SGCD: variants seen among roughly 807,000 people sequenced by gnomAD.
SGCD encodes the protein delta-sarcoglycan.
In SGCD, 18 loss-of-function variants were observed where a neutral mutation model predicts 36.6. That is an observed-to-expected ratio of 0.49 (90% CI 0.34 to 0.73). The LOEUF is 0.73. Among genes scored for constraint, SGCD ranks in the 30% least tolerant of loss-of-function variants. The pLI is 0.01. For missense variants in SGCD, 387 were observed against 346.7 expected, an observed-to-expected ratio of 1.12 and a Z score of -0.92; for synonymous variants, 133 against 130.6, an observed-to-expected ratio of 1.02 and a Z score of -0.12.
intron 4 of SGCD, among the ~76,000 whole-genome samples, chr5:156,536,992 G>A (rs1170406093): frequency 6.6e-6 from 1 of 152,106 alleles, no homozygotes. Context: ...GTGACTTTGT[G>A]CCGCTGGGAC....
At chr5:156,217,807 A>T (rs1237360469) in intron 3 of SGCD, among the ~76,000 whole-genome samples, 3 of 152,194 alleles carry the variant, frequency 2.0e-5, no homozygotes, top group Non-Finnish European at 2.9e-5. Flanking sequence ...GAATGTATGT[A>T]TGTATGTATA....
chr5:156,056,145 A>G (rs1489867645), intron 1 of SGCD, among the ~76,000 whole-genome samples: 1 of 146,076 alleles, frequency 6.8e-6, no homozygotes, highest in Non-Finnish European at 1.5e-5. Flanking sequence ...GAAAATTATA[A>G]CAATGACAGA....
At chr5:155,816,058 T>C in the SGCD span, among the ~76,000 whole-genome samples, 1 of 152,122 alleles carries the variant, frequency 6.6e-6, no homozygotes, top group Non-Finnish European at 1.5e-5. Flanking sequence ...CTGAAAATAG[T>C]GGTGGTGGGG....
At chr5:156,491,227 A>G (rs1331205212) in intron 3 of SGCD, among the ~76,000 whole-genome samples, 1 of 152,172 alleles carries the variant, frequency 6.6e-6, no homozygotes, top group Non-Finnish European at 1.5e-5. Context: ...TCCCCTGATC[A>G]TAGATAGGAA....
chr5:156,354,489 A>G (rs1212846384), intron 3 of SGCD, among the ~76,000 whole-genome samples: 1 of 152,188 alleles, frequency 6.6e-6, no homozygotes, highest in Non-Finnish European at 1.5e-5. Context: ...ATTATAAAGA[A>G]ATTACTGTGC....
chr5:155,985,531 AG>A (rs1259617913), intron 1 of SGCD, among the ~76,000 whole-genome samples: 5 of 152,128 alleles, frequency 3.3e-5, no homozygotes, highest in African/African-American at 1.2e-4. Context: ...GAGATGTTCT[AG>A]GGATTAGGAT....
intron 1 of SGCD, among the ~76,000 whole-genome samples, chr5:155,885,367 G>A (rs1404635538): frequency 8.6e-6 from 1 of 116,318 alleles, no homozygotes; most frequent in Non-Finnish European, 1.6e-5. Context: ...AAAGCCCAGA[G>A]CAGTAGGGAG....
intron 4 of SGCD, among the ~76,000 whole-genome samples, chr5:156,559,907 C>A (rs1008229764): frequency 2.6e-5 from 4 of 152,150 alleles, no homozygotes; most frequent in Non-Finnish European, 4.4e-5. Flanking sequence ...CAGTTTCTGT[C>A]TAATGATATT....
the SGCD span, among the ~76,000 whole-genome samples, chr5:155,852,563 C>G: frequency 6.6e-6 from 1 of 151,912 alleles, no homozygotes. Flanking sequence ...TGCTACATGT[C>G]AAAGAAGTAG....
intron 3 of SGCD, among the ~76,000 whole-genome samples, chr5:156,253,660 A>G (rs1765639987): frequency 6.6e-6 from 1 of 152,206 alleles, no homozygotes; most frequent in Admixed American, 6.5e-5. Flanking sequence ...CATCAAAAAT[A>G]TATCTGGCTT....
At chr5:156,594,349 A>G (rs1403591550) in intron 5 of SGCD, among the ~76,000 whole-genome samples, 1 of 152,182 alleles carries the variant, frequency 6.6e-6, no homozygotes, top group Non-Finnish European at 1.5e-5. Context: ...TCACTGAACA[A>G]AATCCTAATA....
intron 3 of SGCD, among the ~76,000 whole-genome samples, chr5:156,361,726 TA>T (rs1215013097): frequency 6.6e-6 from 1 of 152,238 alleles, no homozygotes; most frequent in Non-Finnish European, 1.5e-5. Flanking sequence ...GTGACTCAAA[TA>T]TTTTATATGT....
chr5:155,792,647 T>C, the SGCD span, among the ~76,000 whole-genome samples: 10 of 151,822 alleles, frequency 6.6e-5, no homozygotes, highest in African/African-American at 2.4e-4. Context: ...AACAAACATA[T>C]GAAAAAATGC....
the SGCD span, among the ~76,000 whole-genome samples, chr5:155,790,742 CTG>C: frequency 9.2e-5 from 14 of 152,078 alleles, no homozygotes; most frequent in Non-Finnish European, 1.0e-4. Flanking sequence ...CATTGTTCCT[CTG>C]TGTCTTTTAT....
At chr5:156,234,881 T>C (rs1303027964) in intron 3 of SGCD, among the ~76,000 whole-genome samples, 1 of 152,146 alleles carries the variant, frequency 6.6e-6, no homozygotes, top group East Asian at 1.9e-4. Context: ...AATCATATGA[T>C]TCCATAAATC....
chr5:156,475,025 A>C (rs1163587977), intron 3 of SGCD, among the ~76,000 whole-genome samples: 2 of 152,232 alleles, frequency 1.3e-5, no homozygotes, highest in Non-Finnish European at 2.9e-5. Context: ...TATAATAAGC[A>C]TTAAGTAAAT....
At chr5:156,669,862 A>AT (rs558151058) in intron 7 of SGCD, among the ~76,000 whole-genome samples, 1 of 152,022 alleles carries the variant, frequency 6.6e-6, no homozygotes, top group Non-Finnish European at 1.5e-5. Flanking sequence ...GCAGTCCTAG[A>AT]TTTTTTTTAA....
chr5:156,313,227 G>GT (rs1158908500), intron 3 of SGCD, among the ~76,000 whole-genome samples: 1 of 150,716 alleles, frequency 6.6e-6, no homozygotes, highest in African/African-American at 2.5e-5. Context: ...GTTTCATATG[G>GT]TAAAAAAAAA....
In SGCD at chr5:156,487,960, T is replaced by TTATATA. The variant is rs55795142; in HGVS notation, c.193-20625_193-20620dup. On this transcript the variant is annotated intron_variant, in intron 3 of 8. Coordinates refer to ENST00000337851, the MANE Select transcript of SGCD (RefSeq NM_000337.6). ...ATCTCAATAAGAAATGTAACATATA[T>TTATATA]TATATATATATATATATATATCAAA... Among the ~76,000 whole-genome samples, 373 of 136,694 alleles carry TTATATA rather than the reference T, an allele frequency of 2.7e-3. 1 individual carries two copies. The highest frequency in any genetic ancestry group is 9.4e-3 in the African/African-American group (354 of 37,838). The allele number at this position is 136,694 out of a possible 152,430, so 89.7% of individuals were successfully genotyped here. A position where few individuals can be genotyped will look rare whatever the true frequency, so the allele number is the denominator to read the frequency against.
Sources: gnomAD v4.1 joint callset for allele counts (sites outside exome capture counted in the v4.1 genomes callset) on GRCh38, gnomAD v4.1.1 for gene constraint, MANE v1.5 for transcripts, NCBI Gene and HGNC (gene_info 2026-07-23, HGNC 2026-07-21) for gene names.